Variants in ARHGEF17 observed in about 807,000 individuals in gnomAD.
The protein encoded by ARHGEF17 is Rho guanine nucleotide exchange factor 17.
In ARHGEF17, 80 loss-of-function variants were observed where a neutral mutation model predicts 174.0. The observed-to-expected ratio is 0.46, with a 90% CI of 0.38 to 0.55. The LOEUF (loss-of-function observed/expected upper bound fraction) is 0.55. ARHGEF17 is among the 20% of genes least tolerant of loss of function. The probability of loss-of-function intolerance (pLI) is 0.00; values close to 1 mark genes in which losing one functional copy is unlikely to be tolerated. For synonymous variants in ARHGEF17, 1,311 were observed against 1,189.1 expected (o/e 1.10, Z -2.11); for missense variants, 2,886 against 2,839.7 (o/e 1.02, Z -0.37).
chr11:73,321,732 A>G (rs1452979696), intron 1 of ARHGEF17, among the ~76,000 whole-genome samples: 1 of 152,138 alleles, frequency 6.6e-6, no homozygotes, highest in Non-Finnish European at 1.5e-5. Flanking sequence ...GTTCTTTTCC[A>G]AGAGTCCAGA....
chr11:73,313,823 T>A (rs1332547558), intron 1 of ARHGEF17, among the ~76,000 whole-genome samples: 1 of 152,154 alleles, frequency 6.6e-6, no homozygotes, highest in Non-Finnish European at 1.5e-5. Flanking sequence ...CCCCCTTCCA[T>A]AAAATGGGGG....
Position 73,308,478 on chromosome 11 carries a change from G to T in ARHGEF17, c.-161G>T. On this transcript the variant is annotated 5_prime_UTR_variant, in exon 1 of 21. It removes the in-frame stop codon of an upstream open reading frame in the 5' UTR. Coordinates refer to ENST00000263674, the MANE Select transcript of ARHGEF17 (RefSeq NM_014786.4). ...TTGCGGCCGGTGGCCACAGAAACTTGAGCCGCGGCAGAGAAACCTCTGCTC... is the reference window on the plus strand; with the variant it reads ...TTGCGGCCGGTGGCCACAGAAACTTTAGCCGCGGCAGAGAAACCTCTGCTC... 1 of 637,768 alleles carries T rather than the reference G, an allele frequency of 1.6e-6. No homozygotes were observed. Among genetic ancestry groups the T allele is most frequent in the South Asian group, 4.9e-5 (1 of 20,432 alleles). The allele number at this position is 637,768 out of a possible 1,614,324, so 39.5% of individuals were successfully genotyped here. A position where few individuals can be genotyped will look rare whatever the true frequency, so the allele number is the denominator to read the frequency against.
In ARHGEF17 at chr11:73,317,683, A is replaced by G. The variant is rs544194333; in HGVS notation, c.3192+5853A>G. Among the ~76,000 whole-genome samples the G allele has an allele frequency of 2.6e-5, 4 of 152,318 alleles. No individual in the cohort carries two copies. In the South Asian group the frequency reaches 8.3e-4, roughly 32 times the overall value. On this transcript the variant is annotated intron_variant, in intron 1 of 20. Transcript: ENST00000263674. ...AGCCTATTGGAGCTGATGTCTCCCC[A>G]TGGGAGTTGATTCCCCCCATGATGT... is the stretch of plus-strand genomic sequence containing the variant.
chr11:73,346,750 C>T (rs1187144169), intron 1 of ARHGEF17, 133 bp from the exon 2 acceptor site: 5 of 659,770 alleles, frequency 7.6e-6, no homozygotes, highest in Non-Finnish European at 9.4e-6. Context: ...GCCCGGAGCC[C>T]TGGGCGGCAG....
Position 73,357,318 on chromosome 11 carries a change from A to T in ARHGEF17, c.4078A>T (p.Ile1360Phe). The change falls in exon 9 of 21, where the codon ATC becomes TTC. Residue 1360 changes from isoleucine to phenylalanine, a missense_variant. Coordinates refer to ENST00000263674, the MANE Select transcript of ARHGEF17 (RefSeq NM_014786.4). ...LWKLPLEDAD[I>F]IKGASQATNR... ...GAAGCTGCCGCTGGAAGACGCAGACATCATCAAAGGTGGGTTTGATGCTAG... is the reference window on the plus strand; with the variant it reads ...GAAGCTGCCGCTGGAAGACGCAGACTTCATCAAAGGTGGGTTTGATGCTAG... 1 of 1,613,866 alleles carries T rather than the reference A, an allele frequency of 6.2e-7. No individual in the cohort carries two copies. The highest frequency in any genetic ancestry group is 8.5e-7 in the Non-Finnish European group (1 of 1,179,872).
chr11:73,333,504 G>C (rs1006455044), intron 1 of ARHGEF17, among the ~76,000 whole-genome samples: 2 of 152,276 alleles, frequency 1.3e-5, no homozygotes, highest in Admixed American at 1.3e-4. Flanking sequence ...TTCTTCCAGA[G>C]GCTAGGGTGG....
At chr11:73,325,242 C>G (rs768059823) in intron 1 of ARHGEF17, among the ~76,000 whole-genome samples, 20 of 152,212 alleles carry the variant, frequency 1.3e-4, no homozygotes, top group Non-Finnish European at 1.0e-4. Context: ...GCCTCCTGCC[C>G]TGTCTCCCTC....
chr11:73,313,676 T>G (rs1243015937), intron 1 of ARHGEF17, among the ~76,000 whole-genome samples: 1 of 152,212 alleles, frequency 6.6e-6, no homozygotes, highest in African/African-American at 2.4e-5. Flanking sequence ...GGCCTCTCAC[T>G]TTTCCAGGCC....
intron 7 of ARHGEF17, 48 bp from the exon 8 acceptor site, chr11:73,356,977 C>A: frequency 1.9e-6 from 3 of 1,594,908 alleles, no homozygotes; most frequent in Non-Finnish European, 2.6e-6. Context: ...GGGGGGTGGG[C>A]TTCTGGACTG....
At chr11:73,336,715 T>C (rs978411324) in intron 1 of ARHGEF17, among the ~76,000 whole-genome samples, 3 of 152,222 alleles carry the variant, frequency 2.0e-5, no homozygotes, top group Non-Finnish European at 4.4e-5. Flanking sequence ...TGTGTGACCA[T>C]GGCTCCTCCA....
In ARHGEF17 at chr11:73,367,639, C is replaced by T. The variant is rs144429256; in HGVS notation, c.6051C>T (p.Pro2017=). 4.0e-4 allele frequency: 653 copies of T among 1,614,016 alleles called. 3 individuals are homozygous for T. The African/African-American group carries it at 7.1e-3, about 18-fold the overall frequency. Residue 2017 remains proline (P), a synonymous_variant, in exon 21 of 21, where the codon CCC becomes CCT. Coordinates refer to ENST00000263674, the MANE Select transcript of ARHGEF17 (RefSeq NM_014786.4). ...EHRDSPWHRG[P]APARPKMLVI... The stretch of plus-strand genomic sequence containing the variant: ...GGGACTCCCCTTGGCACCGAGGCCC[C>T]GCCCCTGCCAGGCCTAAAATGCTGG...
rs1342923486 is a variant in ARHGEF17 at position 73,363,398 on chromosome 11, T to C, written c.5189T>C (p.Leu1730Pro). 6.2e-7 allele frequency: 1 copy of C among 1,613,210 alleles called. No individual in the cohort carries two copies. The highest frequency in any genetic ancestry group is 1.7e-5 in the Admixed American group (1 of 59,970). The change falls in exon 15 of 21, where the codon CTG (leucine) becomes CCG (proline). Residue 1730 changes from leucine to proline, a missense_variant. Leu to Pro is a moderately conservative substitution (Grantham distance 98). Transcript: ENST00000263674. ...SFTRGSLEDL[L>P]SVDPEAYQSS... is the part of the protein sequence containing the mutation. ...ACCCGGGGCAGCCTTGAGGACCTGC[T>C]GAGTGTCGACCCTGAGGCCTACCAG...
intron 1 of ARHGEF17, among the ~76,000 whole-genome samples, chr11:73,327,693 G>A (rs1270544828): frequency 2.6e-5 from 4 of 152,118 alleles, no homozygotes; most frequent in Non-Finnish European, 4.4e-5. Context: ...GAACTACTGT[G>A]GCCAGAACAT....
At chr11:73,341,174 C>T (rs1304107996) in intron 1 of ARHGEF17, among the ~76,000 whole-genome samples, 2 of 152,120 alleles carry the variant, frequency 1.3e-5, no homozygotes, top group African/African-American at 4.8e-5. Context: ...TTACGAACTG[C>T]CATACATGGT....
chr11:73,308,330 G>C lies in ARHGEF17; in HGVS notation c.-309G>C. 3.2e-6 allele frequency: 1 copy of C among 316,686 alleles called. No homozygotes were observed. The highest frequency in any genetic ancestry group is 5.0e-5 in the East Asian group (1 of 20,082). 19.6% of individuals were successfully genotyped at this position (316,686 alleles called of 1,614,324 possible). A position where few individuals can be genotyped will look rare whatever the true frequency, so the allele number is the denominator to read the frequency against. ...GCGTTGGGCAGGCGGACGCAGAGTC[G>C]AGGAACCAAGCGCTGGGATCCCGCC... On this transcript the variant is annotated 5_prime_UTR_variant, in exon 1 of 21. Transcript: ENST00000263674.
At chr11:73,338,489 T>C (rs997827968) in intron 1 of ARHGEF17, among the ~76,000 whole-genome samples, 4 of 152,114 alleles carry the variant, frequency 2.6e-5, no homozygotes, top group Admixed American at 6.5e-5. Context: ...TTGTGGACTT[T>C]GGTGGGGTCA....
chr11:73,327,077 C>T (rs1447188685), intron 1 of ARHGEF17, among the ~76,000 whole-genome samples: 1 of 152,218 alleles, frequency 6.6e-6, no homozygotes, highest in Non-Finnish European at 1.5e-5. Flanking sequence ...GATGATGGAG[C>T]ATACCACCCA....
chr11:73,364,059 G>T, intron 16 of ARHGEF17, 113 bp from the exon 17 acceptor site: 1 of 1,186,066 alleles, frequency 8.4e-7, no homozygotes, highest in Non-Finnish European at 1.2e-6. Context: ...ACAAGGGGTG[G>T]GAAGAGGTGG....
Position 73,363,236 on chromosome 11 carries a change from C to A in ARHGEF17, c.5027C>A (p.Thr1676Lys). ...NEETPSSKEA[T>K]AETTSSEEEQ... ...GAGACCCCGAGTTCCAAGGAGGCCA[C>A]GGCAGAGACCACCAGCTCAGAGGAG... Residue 1676 changes from threonine to lysine, a missense_variant, in exon 15 of 21, where the codon ACG becomes AAG. This residue lies in a region of ARHGEF17 where 476 missense variants were observed against 473.1 expected (regional missense o/e 1.01). Transcript: ENST00000263674. 2 of 1,592,682 alleles carry A rather than the reference C, an allele frequency of 1.3e-6. No individual in the cohort carries two copies. Among genetic ancestry groups the A allele is most frequent in the South Asian group, 1.1e-5 (1 of 89,436 alleles).
Sources: gnomAD v4.1 joint callset for allele counts (sites outside exome capture counted in the v4.1 genomes callset) on GRCh38, gnomAD v4.1.1 for gene constraint, gnomAD v4.1.1 regional missense constraint, MANE v1.5 for transcripts, NCBI Gene and HGNC (gene_info 2026-07-23, HGNC 2026-07-21) for gene names.